Variants in CSTL1 observed in about 807,000 individuals in gnomAD.
CSTL1 encodes cystatin-like 1.
In CSTL1, 14 loss-of-function variants were observed where a neutral mutation model predicts 14.4. That is an observed-to-expected ratio of 0.97 (90% CI 0.64 to 1.52). The LOEUF (loss-of-function observed/expected upper bound fraction) is 1.52, where lower values mean the gene tolerates loss of function less well. Among genes scored for constraint, CSTL1 ranks in the 40% most tolerant of loss-of-function variants. The pLI is 0.00. For missense variants in CSTL1, 170 were observed against 168.7 expected, an observed-to-expected ratio of 1.01 and a Z score of -0.04; for synonymous variants, 72 against 67.5, an observed-to-expected ratio of 1.07 and a Z score of -0.33.
At chr20:23,453,886 G>A in the CSTL1 span, among the ~76,000 whole-genome samples, 8 of 151,734 alleles carry the variant, frequency 5.3e-5, no homozygotes, top group Admixed American at 3.9e-4. Flanking sequence ...CCGAACACAC[G>A]GACACACAAC....
the CSTL1 span, among the ~76,000 whole-genome samples, chr20:23,454,609 G>A: frequency 6.6e-6 from 1 of 152,188 alleles, no homozygotes; most frequent in African/African-American, 2.4e-5. Context: ...GAAGGGCTCT[G>A]TCTCCACCTC....
chr20:23,440,755 T>C, intron 2 of CSTL1: 1 of 428,506 alleles, frequency 2.3e-6, no homozygotes. Flanking sequence ...AGGATTAAAC[T>C]CTTTTTTTTT....
chr20:23,453,891 C>A, the CSTL1 span, among the ~76,000 whole-genome samples: 1 of 152,060 alleles, frequency 6.6e-6, no homozygotes, highest in Non-Finnish European at 1.5e-5. Flanking sequence ...CACACGGACA[C>A]ACAACACATA....
At chr20:23,451,723 A>G in the CSTL1 span, 1 of 909,468 alleles carries the variant, frequency 1.1e-6, no homozygotes, top group Non-Finnish European at 1.7e-6. Flanking sequence ...GCTTGAGTAA[A>G]TTCCAATTAA....
chr20:23,451,598 A>G, the CSTL1 span, among the ~76,000 whole-genome samples: 2 of 152,192 alleles, frequency 1.3e-5, no homozygotes, highest in African/African-American at 2.4e-5. Context: ...CTCTCTGGAC[A>G]TGTTCAGCCT....
At chr20:23,453,051 T>C in the CSTL1 span, among the ~76,000 whole-genome samples, 1 of 151,360 alleles carries the variant, frequency 6.6e-6, no homozygotes, top group Non-Finnish European at 1.5e-5. Flanking sequence ...ACACACATTT[T>C]CTCTTTTGAG....
At chr20:23,443,678 C>T (rs1305094381) in intron 2 of CSTL1, among the ~76,000 whole-genome samples, 1 of 152,222 alleles carries the variant, frequency 6.6e-6, no homozygotes, top group African/African-American at 2.4e-5. Flanking sequence ...CTCTTCTGTC[C>T]TGAGGATGGA....
At chr20:23,442,067 A>C (rs1246607739) in intron 2 of CSTL1, among the ~76,000 whole-genome samples, 1 of 152,278 alleles carries the variant, frequency 6.6e-6, no homozygotes, top group African/African-American at 2.4e-5. Flanking sequence ...GACCCCAAGG[A>C]GGCTTGCCTT....
At chr20:23,447,183 C>A (rs1264548455), downstream of CSTL1, among the ~76,000 whole-genome samples, 1 of 152,218 alleles carries the variant, frequency 6.6e-6, no homozygotes. Context: ...AACATCCTAA[C>A]TTAACACAGC....
At chr20:23,442,165 G>C (rs1472647326) in intron 2 of CSTL1, 1 of 152,400 alleles carries the variant, frequency 6.6e-6, no homozygotes, top group African/African-American at 2.4e-5. Context: ...AGACAGAGCA[G>C]GCGTGCCTCC....
chr20:23,451,850 G>A, the CSTL1 span: 156 of 1,613,880 alleles, frequency 9.7e-5, no homozygotes, highest in African/African-American at 6.0e-4. Context: ...GACACAGTTC[G>A]TGGTCTCTGG....
the CSTL1 span, among the ~76,000 whole-genome samples, chr20:23,453,465 G>A: frequency 6.6e-6 from 1 of 152,158 alleles, no homozygotes; most frequent in African/African-American, 2.4e-5. Flanking sequence ...AGCTTCAGGT[G>A]TGAGACACAG....
downstream of CSTL1, among the ~76,000 whole-genome samples, chr20:23,448,918 C>T (rs1279541985): frequency 2.0e-5 from 3 of 152,154 alleles, no homozygotes; most frequent in Non-Finnish European, 2.9e-5. Context: ...GGAGTAGGTA[C>T]TGTTATTCTC....
At chr20:23,452,051 C>T in the CSTL1 span, 1 of 612,934 alleles carries the variant, frequency 1.6e-6, no homozygotes, top group Non-Finnish European at 2.9e-6. Flanking sequence ...GCGGGCTCCT[C>T]TCTCCTCTAT....
intron 1 of CSTL1, 80 bp from the exon 2 acceptor site, chr20:23,440,064 G>A (rs1600271257): frequency 1.7e-6 from 1 of 600,620 alleles, no homozygotes; most frequent in Non-Finnish European, 2.9e-6. Flanking sequence ...AGAACTGAAT[G>A]GGTGGTGTAA....
chr20:23,455,400 A>T, the CSTL1 span, among the ~76,000 whole-genome samples: 1 of 152,266 alleles, frequency 6.6e-6, no homozygotes, highest in East Asian at 1.9e-4. Context: ...TATTTATGAA[A>T]TTTTGTTTTT....
the CSTL1 span, among the ~76,000 whole-genome samples, chr20:23,457,944 T>A: frequency 6.6e-6 from 1 of 152,116 alleles, no homozygotes; most frequent in Admixed American, 6.6e-5. Context: ...TTTTGTCTCT[T>A]GGGAGGCCCA....
chr20:23,440,668 C>T, intron 2 of CSTL1, 182 bp downstream of exon 2: 1 of 696,780 alleles, frequency 1.4e-6, no homozygotes, highest in Non-Finnish European at 2.6e-6. Context: ...ATGTCCTTAG[C>T]CATGCTTCCA....
At chr20:23,455,151 G>A in the CSTL1 span, among the ~76,000 whole-genome samples, 4 of 152,164 alleles carry the variant, frequency 2.6e-5, no homozygotes, top group African/African-American at 9.7e-5. Context: ...GTGGTGCCTT[G>A]TGCCCTTGCC....
Sources: gnomAD v4.1 joint callset for allele counts (sites outside exome capture counted in the v4.1 genomes callset) on GRCh38, gnomAD v4.1.1 for gene constraint, MANE v1.5 for transcripts, NCBI Gene and HGNC (gene_info 2026-07-23, HGNC 2026-07-21) for gene names.